The following SCN9A variants were observed in gnomAD, a reference collection of about 807,000 sequenced individuals.
SCN9A encodes sodium channel protein type 9 subunit alpha.
SCN9A carries 131 observed loss-of-function variants against 187.0 expected under a neutral mutation model. The observed-to-expected ratio is 0.70, with a 90% confidence interval of 0.61 to 0.81. SCN9A has a LOEUF of 0.81. SCN9A is among the 30% of genes least tolerant of loss of function. The pLI is 0.00. For synonymous variants in SCN9A, 809 were observed against 808.6 expected, an observed-to-expected ratio of 1.00 and a Z score of -0.01; for missense variants, 2,252 against 2,396.6, an observed-to-expected ratio of 0.94 and a Z score of 1.26.
chr2:166,287,867 GTTAATT>G (rs995415981), intron 10 of SCN9A, among the ~76,000 whole-genome samples: 17 of 150,994 alleles, frequency 1.1e-4, no homozygotes, highest in Admixed American at 1.1e-3. Context: ...AAGAGTATCT[GTTAATT>G]TTAACGTTAA....
rs151117362 is a variant in SCN9A, at chr2:166,247,077, T to C, written c.3473-4421A>G. On this transcript the variant is annotated intron_variant, in intron 18 of 26. Transcript: ENST00000642356. ...TCCCAGTGAGTAAATGCTATTTCTT[T>C]TGGGTGGTTTCACTAATGTGCTCTC... Among the ~76,000 whole-genome samples the C allele has an allele frequency of 1.5e-3, 217 of 149,652 alleles. 1 individual carries two copies. The highest frequency in any genetic ancestry group is 5.1e-3 in the African/African-American group (209 of 40,660).
At chr2:166,345,293 G>T (rs920458783) in intron 1 of SCN9A, among the ~76,000 whole-genome samples, 1 of 120,912 alleles carries the variant, frequency 8.3e-6, no homozygotes, top group African/African-American at 3.5e-5. Flanking sequence ...GTACTGAATT[G>T]TGGTGTGCAT....
At chr2:166,331,684 G>A (rs1699506642) in intron 1 of SCN9A, among the ~76,000 whole-genome samples, 2 of 152,168 alleles carry the variant, frequency 1.3e-5, no homozygotes, top group Middle Eastern at 6.3e-3. Flanking sequence ...TATAAGAGAT[G>A]AGTGTCTTCT....
chr2:166,294,807 C>T (rs75520389), intron 7 of SCN9A, 145 bp from the exon 8 acceptor site: 6,032 of 487,386 alleles, frequency 0.012, 258 homozygotes, highest in Admixed American at 0.11. Context: ...TTACTATTTT[C>T]TCATATATTC....
At position 166,280,342 on chromosome 2, in the gene SCN9A, CAAT is replaced by C; in HGVS notation, c.2343+12_2343+14del. The C allele has an allele frequency of 7.1e-7, 1 of 1,400,522 alleles. No individual in the cohort carries two copies. The highest frequency in any genetic ancestry group is 9.9e-7 in the Non-Finnish European group (1 of 1,007,958). 86.8% of individuals were successfully genotyped at this position (1,400,522 alleles called of 1,614,324 possible). ...AGAGAAACTATGAGTACATAACACACAATAAGAGACTTACCAAATTTCCTATAG... is the reference window on the plus strand; with the variant it reads ...AGAGAAACTATGAGTACATAACACACAAGAGACTTACCAAATTTCCTATAG... On this transcript the variant is annotated intron_variant, in intron 14 of 26. Coordinates refer to ENST00000642356, the MANE Select transcript of SCN9A (RefSeq NM_001365536.1).
At chr2:166,271,359 T>G (rs1198393467) in intron 17 of SCN9A, among the ~76,000 whole-genome samples, 1 of 152,134 alleles carries the variant, frequency 6.6e-6, no homozygotes, top group Non-Finnish European at 1.5e-5. Flanking sequence ...ATTAACAATT[T>G]AATAGATGAT....
intron 20 of SCN9A, among the ~76,000 whole-genome samples, chr2:166,235,789 G>A (rs58022224): frequency 0.021 from 3,154 of 151,870 alleles, 121 homozygotes; most frequent in African/African-American, 0.073. Flanking sequence ...ATATTTGTTC[G>A]TTTCCAAAAT....
intron 21 of SCN9A, among the ~76,000 whole-genome samples, chr2:166,230,031 G>T (rs1256011136): frequency 1.3e-5 from 2 of 152,138 alleles, no homozygotes; most frequent in Non-Finnish European, 2.9e-5. Context: ...AAGGATCTCT[G>T]ACTACTAATC....
intron 1 of SCN9A, among the ~76,000 whole-genome samples, chr2:166,315,368 C>T (rs1370518706): frequency 6.6e-6 from 1 of 152,162 alleles, no homozygotes; most frequent in Non-Finnish European, 1.5e-5. Context: ...TCCTATTCTC[C>T]TCTGTCTCTG....
chr2:166,199,622 C>T lies in SCN9A; in HGVS notation c.5017G>A (p.Asp1673Asn). The T allele has an allele frequency of 1.2e-6, 2 of 1,614,160 alleles. No individual in the cohort carries two copies. Among genetic ancestry groups the T allele is most frequent in the Non-Finnish European group, 1.7e-6 (2 of 1,180,034 alleles). ...MSNFAYVKKE[D>N]GINDMFNFET... ...AAATTGAACATGTCATTAATTCCAT[C>T]TTCCTTTTTAACATAGGCAAAGTTG... The change falls in exon 27 of 27, where the codon GAT becomes AAT. Residue 1673 changes from aspartate (D) to asparagine (N), a missense_variant. Coordinates refer to ENST00000642356, the MANE Select transcript of SCN9A (RefSeq NM_001365536.1).
chr2:166,303,393 A>G (rs1005292805), intron 6 of SCN9A, 91 bp from the exon 7 acceptor site: 7 of 988,162 alleles, frequency 7.1e-6, no homozygotes, highest in African/African-American at 6.6e-5. Context: ...CATGCATTAT[A>G]TCAAATCAAT....
At chr2:166,260,987 A>G (rs1263418351) in intron 17 of SCN9A, among the ~76,000 whole-genome samples, 1 of 151,740 alleles carries the variant, frequency 6.6e-6, no homozygotes, top group Non-Finnish European at 1.5e-5. Flanking sequence ...ATTTTCATAT[A>G]TATTTTCTAA....
chr2:166,203,549 A>G (rs1225868834), intron 26 of SCN9A, among the ~76,000 whole-genome samples: 1 of 151,944 alleles, frequency 6.6e-6, no homozygotes, highest in African/African-American at 2.4e-5. Flanking sequence ...ATTTTCACAA[A>G]TTCACAGATA....
intron 1 of SCN9A, among the ~76,000 whole-genome samples, chr2:166,323,669 C>T (rs1244278496): frequency 6.6e-6 from 1 of 152,022 alleles, no homozygotes; most frequent in African/African-American, 2.4e-5. Flanking sequence ...AACTGCAGTT[C>T]CCAAATGATT....
intron 24 of SCN9A, among the ~76,000 whole-genome samples, chr2:166,214,601 G>A (rs1694248670): frequency 7.3e-6 from 1 of 137,572 alleles, no homozygotes; most frequent in African/African-American, 2.8e-5. Context: ...TGCAAGCTCC[G>A]CCTCCCGGGT....
At chr2:166,363,816 G>A (rs1047600542) in intron 1 of SCN9A, among the ~76,000 whole-genome samples, 2 of 151,804 alleles carry the variant, frequency 1.3e-5, no homozygotes, top group Admixed American at 6.6e-5. Context: ...CCAAAAGCAC[G>A]GTCAACAAAA....
In SCN9A at chr2:166,272,719, G is replaced by C. The variant is rs765781370; in HGVS notation, c.3031C>G (p.Leu1011Val). The change falls in exon 17 of 27, where the codon CTA becomes GTA. Residue 1011 changes from leucine (L) to valine (V), a missense_variant. Coordinates refer to ENST00000642356, the MANE Select transcript of SCN9A (RefSeq NM_001365536.1). The stretch of plus-strand genomic sequence containing the variant: ...TTTGGCTTTTTGGAAAATGCTTTTA[G>C]AATAAATTCACGTAAGGTTTGTTTC... ...YVKQTLREFI[L>V]KAFSKKPKIS... 1 of 1,593,132 alleles carries C rather than the reference G, an allele frequency of 6.3e-7. No homozygotes were observed. The highest frequency in any genetic ancestry group is 1.8e-5 in the Admixed American group (1 of 56,674).
At chr2:166,278,752 T>C (rs776424256) in intron 14 of SCN9A, among the ~76,000 whole-genome samples, 1 of 152,186 alleles carries the variant, frequency 6.6e-6, no homozygotes, top group Non-Finnish European at 1.5e-5. Context: ...AAGAACATGT[T>C]GACTCACTCT....
At chr2:166,201,800 T>C (rs1178742937) in intron 26 of SCN9A, among the ~76,000 whole-genome samples, 1 of 151,504 alleles carries the variant, frequency 6.6e-6, no homozygotes, top group Non-Finnish European at 1.5e-5. Context: ...ATGATAGTGC[T>C]CATACTTTAC....
Sources: allele counts gnomAD v4.1 joint callset (sites outside exome capture counted in the v4.1 genomes callset), GRCh38; gene constraint gnomAD v4.1.1; transcripts MANE v1.5; gene names NCBI Gene and HGNC (gene_info 2026-07-23, HGNC 2026-07-21).